PHACTR2: variants seen among roughly 807,000 people sequenced by gnomAD.
PHACTR2 encodes phosphatase and actin regulator 2.
PHACTR2 carries 30 observed loss-of-function variants against 76.0 expected under a neutral mutation model. That is an observed-to-expected ratio of 0.39 (90% CI 0.30 to 0.54). The LOEUF (loss-of-function observed/expected upper bound fraction) is 0.54, where lower values mean the gene tolerates loss of function less well. Among genes scored for constraint, PHACTR2 ranks in the 20% least tolerant of loss-of-function variants. PHACTR2 has a pLI of 0.61. For synonymous variants in PHACTR2, 292 were observed against 292.5 expected, an observed-to-expected ratio of 1.00 and a Z score of 0.02; for missense variants, 696 against 781.1, an observed-to-expected ratio of 0.89 and a Z score of 1.30.
rs1336636136 is a variant in PHACTR2 at position 143,697,092 on chromosome 6, A to G, written c.47-14924A>G. ...TGAAAGCCTAAAATATTGCCACATA[A>G]CTGAACATCTGTCATAATGCTATAT... On this transcript the variant is annotated intron_variant, in intron 1 of 12. Transcript: ENST00000440869. This position sits in a 1 kb window ranked among gnomAD's most constrained non-coding sequence, Gnocchi z 4.4. Among the ~76,000 whole-genome samples the G allele has an allele frequency of 6.6e-6, 1 of 152,200 alleles. No individual in the cohort carries two copies. The highest frequency in any genetic ancestry group is 2.4e-5 in the African/African-American group (1 of 41,450).
rs1239043595 is a variant in PHACTR2, at chr6:143,653,733, A to G, written c.13+45411A>G. Reference sequence around the variant, plus strand: ...AAAATTAACTCAAGATTGATCAAAGACCTAGATGTAAGAGCTAAAACTATA... The same window carrying G: ...AAAATTAACTCAAGATTGATCAAAGGCCTAGATGTAAGAGCTAAAACTATA... On this transcript the variant is annotated intron_variant, in intron 1 of 11. Transcript: ENST00000305766. The surrounding 1 kb of genome is among the most constrained non-coding windows in gnomAD (Gnocchi z 4.9). Among the ~76,000 whole-genome samples the G allele has an allele frequency of 6.6e-6, 1 of 152,078 alleles. No homozygotes were observed. Among genetic ancestry groups the G allele is most frequent in the African/African-American group, 2.4e-5 (1 of 41,418 alleles).
At position 143,661,803 on chromosome 6, in the gene PHACTR2, T is replaced by A. The variant is rs561384997; in HGVS notation, c.14-50213T>A. 1.2e-3 allele frequency among the ~76,000 whole-genome samples: 184 copies of A among 152,196 alleles called. 1 individual carries two copies. Among genetic ancestry groups the A allele is most frequent in the African/African-American group, 4.2e-3 (176 of 41,542 alleles). ...AACTCCTGGCCTCATGTGATTCGCT[T>A]GCCTTAGCCTCCAAAAGTGCTGGGA... On this transcript the variant is annotated intron_variant, in intron 1 of 11. Transcript: ENST00000305766.
At chr6:143,748,096 G>A (rs1331404549) in intron 2 of PHACTR2, among the ~76,000 whole-genome samples, 3 of 151,128 alleles carry the variant, frequency 2.0e-5, no homozygotes, top group African/African-American at 7.3e-5. Flanking sequence ...ATGGAGTTTC[G>A]CTCTTGTCGC....
At position 143,765,271 on chromosome 6, in the gene PHACTR2, T is replaced by C; in HGVS notation, c.705T>C (p.Ser235=). ...GTCTCTCTATTGTAGCTGGCTCCTC[T>C]CATTCAAAAAAAACAACTGGCTCTA... ...RNTTREAAGS[S]HSKKTTGSKA... is the part of the protein sequence containing the mutation. Residue 235 remains serine, a synonymous_variant, in exon 6 of 13, where the codon TCT becomes TCC. Transcript: ENST00000440869. This position sits in a 1 kb window ranked among gnomAD's most constrained non-coding sequence, Gnocchi z 4.1. 2 of 1,612,070 alleles carry C rather than the reference T, an allele frequency of 1.2e-6. No individual in the cohort carries two copies. Among genetic ancestry groups the C allele is most frequent in the Non-Finnish European group, 1.7e-6 (2 of 1,179,160 alleles).
At chr6:143,628,074 G>T (rs1011449798) in intron 1 of PHACTR2, among the ~76,000 whole-genome samples, 5 of 152,104 alleles carry the variant, frequency 3.3e-5, no homozygotes, top group South Asian at 4.1e-4. Context: ...TTTTCAAATT[G>T]AACCTAATGT....
rs1381461262 is a variant in PHACTR2, at chr6:143,761,301, A to G, written c.694+661A>G. On this transcript the variant is annotated intron_variant, in intron 5 of 12. Transcript: ENST00000440869. The surrounding 1 kb of genome is among the most constrained non-coding windows in gnomAD (Gnocchi z 5.2). ...TGGTGTCATGTGGTTATAAGTTACT[A>G]TTATAAATCACCAGTGGATGTTTGA... Among the ~76,000 whole-genome samples the G allele has an allele frequency of 6.6e-6, 1 of 152,190 alleles. No homozygotes were observed. Among genetic ancestry groups the G allele is most frequent in the Non-Finnish European group, 1.5e-5 (1 of 68,034 alleles).
Position 143,570,762 on chromosome 6 carries a change from C to T in PHACTR2, c.217+33555C>T, listed in dbSNP as rs75406731. Among the ~76,000 whole-genome samples, 1,448 of 152,194 alleles carry T rather than the reference C, an allele frequency of 9.5e-3. 22 individuals carry two copies. Among genetic ancestry groups the T allele is most frequent in the East Asian group, 0.088 (456 of 5,176 alleles). The stretch of plus-strand genomic sequence containing the variant: ...TGGAGAAGTAGCAGGTTCATCGACT[C>T]GTTCTGGTAGGGGGCCTCTATCTTA... On this transcript the variant is annotated intron_variant, in intron 1 of 11. Transcript: ENST00000367584. This position sits in a 1 kb window ranked among gnomAD's most constrained non-coding sequence, Gnocchi z 4.6.
At chr6:143,719,970 C>T (rs1240159263) in intron 2 of PHACTR2, among the ~76,000 whole-genome samples, 2 of 151,874 alleles carry the variant, frequency 1.3e-5, no homozygotes, top group Non-Finnish European at 2.9e-5. Context: ...CACCACCACA[C>T]CCAGCTAATT....
In PHACTR2 at chr6:143,608,389, G is replaced by A. The variant is rs369351430; in HGVS notation, c.13+67G>A. 39 of 1,532,792 alleles carry A rather than the reference G, an allele frequency of 2.5e-5. No homozygotes were observed. The highest frequency in any genetic ancestry group is 3.4e-5 in the South Asian group (3 of 88,852). 94.9% of individuals were successfully genotyped at this position (1,532,792 alleles called of 1,614,324 possible). On this transcript the variant is annotated intron_variant, in intron 1 of 11. Coordinates refer to the PHACTR2 transcript ENST00000305766. This position sits in a 1 kb window ranked among gnomAD's most constrained non-coding sequence, Gnocchi z 4.6. ...CTTTGCAGCCCGCATCCTTTACTGCGGAAGGTTTGCCTATTTGTTGCTCTC... is the reference window on the plus strand; with the variant it reads ...CTTTGCAGCCCGCATCCTTTACTGCAGAAGGTTTGCCTATTTGTTGCTCTC...
intron 1 of PHACTR2, among the ~76,000 whole-genome samples, chr6:143,651,672 C>T (rs1178117866): frequency 6.6e-6 from 1 of 151,930 alleles, no homozygotes; most frequent in Non-Finnish European, 1.5e-5. Flanking sequence ...CGAAACAACA[C>T]ACACTGGGGC....
chr6:143,783,333 A>T lies in PHACTR2; in HGVS notation c.1707+53A>T, dbSNP rs577336112. On this transcript the variant is annotated intron_variant, in intron 10 of 12. Transcript: ENST00000440869. The surrounding 1 kb of genome is among the most constrained non-coding windows in gnomAD (Gnocchi z 5.2). ...ATATGTGTTTTGAGATATACTTTTAAAAAAAAATACTAATCCTCTCTGTAT... is the reference window on the plus strand; with the variant it reads ...ATATGTGTTTTGAGATATACTTTTATAAAAAAATACTAATCCTCTCTGTAT... 2.7e-4 allele frequency: 269 copies of T among 998,824 alleles called. 2 individuals carry two copies. Among genetic ancestry groups the T allele is most frequent in the Admixed American group, 5.8e-4 (30 of 51,844 alleles). 61.9% of individuals were successfully genotyped at this position (998,824 alleles called of 1,614,324 possible).
chr6:143,582,442 C>G (rs1001117662), intron 1 of PHACTR2, among the ~76,000 whole-genome samples: 1 of 152,022 alleles, frequency 6.6e-6, no homozygotes, highest in African/African-American at 2.4e-5. Flanking sequence ...TACCTGGAAA[C>G]AGTTTGGTTG....
rs55643349 is a variant in PHACTR2, at chr6:143,827,988, C to CA, written c.*4311dup. 8,348 of 140,736 alleles carry CA rather than the reference C, an allele frequency of 0.059. 243 individuals carry two copies. The highest frequency in any genetic ancestry group is 0.13 in the South Asian group (573 of 4,444). The allele number at this position is 140,736 out of a possible 1,614,324, so 8.7% of individuals were successfully genotyped here. Reference sequence around the variant, plus strand: ...TGAAACCCTGTCTCTACTGAAAATACAAAAAAAAAAAAGTATCTGGGCATG... The same window carrying CA: ...TGAAACCCTGTCTCTACTGAAAATACAAAAAAAAAAAAAGTATCTGGGCATG... On this transcript the variant is annotated 3_prime_UTR_variant, in exon 13 of 13. Coordinates refer to ENST00000440869, the MANE Select transcript of PHACTR2 (RefSeq NM_001100164.2).
rs541216994 is a variant in PHACTR2 at position 143,725,345 on chromosome 6, C to T, written c.214+13162C>T. ...CCTCCCGAGTAGCTGGGACTACAGG[C>T]GCCCGCCACCATACCCGGCTAATTT... On this transcript the variant is annotated intron_variant, in intron 2 of 12. Coordinates refer to ENST00000440869, the MANE Select transcript of PHACTR2 (RefSeq NM_001100164.2). Among the ~76,000 whole-genome samples, 45 of 150,550 alleles carry T rather than the reference C, an allele frequency of 3.0e-4. 1 individual carries two copies. The South Asian group carries it at 4.9e-3, about 16-fold the overall frequency.
chr6:143,805,479 CA>C (rs746027973), intron 11 of PHACTR2, among the ~76,000 whole-genome samples: 45,761 of 94,834 alleles, frequency 0.48, 7,110 homozygotes, highest in South Asian at 0.59. Flanking sequence ...AACTCCGTCT[CA>C]AAAAAAAAAA....
rs755869476 is a variant in PHACTR2, at chr6:143,767,860, C to T, written c.1232+2062C>T. On this transcript the variant is annotated intron_variant, in intron 6 of 12. Transcript: ENST00000440869. This position sits in a 1 kb window ranked among gnomAD's most constrained non-coding sequence, Gnocchi z 4.4. ...TTTTGTTTTGTTTTGTTTTTTGAGA[C>T]AGAATCTTGCACTGTCACCCAGGCT... Among the ~76,000 whole-genome samples, 6 of 152,038 alleles carry T rather than the reference C, an allele frequency of 3.9e-5. No individual in the cohort carries two copies. The highest frequency in any genetic ancestry group is 8.8e-5 in the Non-Finnish European group (6 of 68,018).
chr6:143,802,840 T>C (rs1192262934), intron 11 of PHACTR2, among the ~76,000 whole-genome samples: 11 of 152,180 alleles, frequency 7.2e-5, no homozygotes, highest in Non-Finnish European at 1.6e-4. Flanking sequence ...AAGTAGCTCT[T>C]GTAATAAAAC....
rs1777155500 is a variant in PHACTR2 at position 143,671,673 on chromosome 6, A to C, written c.14-40343A>C. Among the ~76,000 whole-genome samples, 1 of 152,228 alleles carries C rather than the reference A, an allele frequency of 6.6e-6. No individual in the cohort carries two copies. Among genetic ancestry groups the C allele is most frequent in the Non-Finnish European group, 1.5e-5 (1 of 68,046 alleles). On this transcript the variant is annotated intron_variant, in intron 1 of 11. Transcript: ENST00000305766. The surrounding 1 kb of genome is among the most constrained non-coding windows in gnomAD (Gnocchi z 4.6). ...TTCTGTCTCCTAAGTACCTAGAACA[A>C]AGACTGGTAAAAAGGAGATGCATAA...
chr6:143,781,573 A>G (rs891935438), intron 9 of PHACTR2, among the ~76,000 whole-genome samples: 1 of 152,214 alleles, frequency 6.6e-6, no homozygotes, highest in Admixed American at 6.5e-5. Context: ...CTTTTTATCA[A>G]CAATATCAAC....
Sources: gnomAD v4.1 joint callset for allele counts (sites outside exome capture counted in the v4.1 genomes callset) on GRCh38, gnomAD v4.1.1 for gene constraint, Gnocchi (gnomAD v3.1) non-coding constraint, MANE v1.5 for transcripts, NCBI Gene and HGNC (gene_info 2026-07-23, HGNC 2026-07-21) for gene names.